Variants in CSMD3 observed in about 807,000 individuals in gnomAD.
The protein encoded by CSMD3 is CUB and sushi domain-containing protein 3.
A neutral mutation model predicts 435.2 loss-of-function variants in CSMD3; 177 were observed. That is an observed-to-expected ratio of 0.41 (90% CI 0.36 to 0.46). The LOEUF (loss-of-function observed/expected upper bound fraction) is 0.46. CSMD3 is among the 20% of genes least tolerant of loss of function. The pLI is 0.34. For synonymous variants in CSMD3, 1,656 were observed against 1,520.5 expected (o/e 1.09, Z -2.07); for missense variants, 4,265 against 4,504.6 (o/e 0.95, Z 1.52).
At chr8:112,497,754 C>A (rs1024805929) in intron 30 of CSMD3, among the ~76,000 whole-genome samples, 1 of 151,856 alleles carries the variant, frequency 6.6e-6, no homozygotes, top group Non-Finnish European at 1.5e-5. Flanking sequence ...TCATTACAAG[C>A]ATTGTTAGCC....
At chr8:112,937,322 T>G (rs530333703) in intron 9 of CSMD3, among the ~76,000 whole-genome samples, 1 of 151,758 alleles carries the variant, frequency 6.6e-6, no homozygotes, top group African/African-American at 2.4e-5. Flanking sequence ...ATGCTTTTAT[T>G]ACTCTTTGTT....
At chr8:112,583,415 G>A (rs1449714093) in intron 23 of CSMD3, among the ~76,000 whole-genome samples, 1 of 151,878 alleles carries the variant, frequency 6.6e-6, no homozygotes, top group African/African-American at 2.4e-5. Flanking sequence ...GTGCTGTTCT[G>A]TCAATGTACT....
intron 3 of CSMD3, among the ~76,000 whole-genome samples, chr8:113,213,095 T>C (rs531809026): frequency 1.3e-5 from 2 of 152,102 alleles, no homozygotes; most frequent in African/African-American, 4.8e-5. Context: ...ATATATAAAA[T>C]GCTTTTCATA....
intron 16 of CSMD3, among the ~76,000 whole-genome samples, chr8:112,670,616 G>A (rs915707420): frequency 2.0e-5 from 3 of 152,134 alleles, no homozygotes; most frequent in Admixed American, 2.0e-4. Flanking sequence ...ATTTATTGAC[G>A]TGCAAAGAGT....
intron 4 of CSMD3, among the ~76,000 whole-genome samples, chr8:113,141,638 C>T (rs2091551369): frequency 6.6e-6 from 1 of 150,758 alleles, no homozygotes; most frequent in South Asian, 2.1e-4. Context: ...ATTCAACATT[C>T]ATGATTTAAA....
At chr8:112,800,326 G>A (rs1410105632) in intron 12 of CSMD3, 52 bp from the exon 13 acceptor site, 1 of 1,120,548 alleles carries the variant, frequency 8.9e-7, no homozygotes, top group Non-Finnish European at 1.4e-6. Context: ...AACATCCTCT[G>A]CATACAAATT....
intron 38 of CSMD3, among the ~76,000 whole-genome samples, chr8:112,367,426 G>C (rs1487172486): frequency 1.3e-5 from 2 of 152,108 alleles, no homozygotes; most frequent in Non-Finnish European, 2.9e-5. Flanking sequence ...TGAAAGGCCA[G>C]CTCTCCAATT....
intron 17 of CSMD3, among the ~76,000 whole-genome samples, chr8:112,663,283 A>G (rs1162966551): frequency 2.0e-5 from 3 of 152,148 alleles, no homozygotes; most frequent in African/African-American, 7.2e-5. Flanking sequence ...TAGCACATAT[A>G]CACCATGGAA....
intron 18 of CSMD3, among the ~76,000 whole-genome samples, chr8:112,650,798 C>T (rs908995703): frequency 9.4e-5 from 8 of 85,268 alleles, no homozygotes; most frequent in African/African-American, 3.7e-4. Flanking sequence ...TAAGTATAAC[C>T]AATTAGCACA....
chr8:112,410,495 AATATAT>A (rs4029455), intron 32 of CSMD3, among the ~76,000 whole-genome samples: 82 of 122,734 alleles, frequency 6.7e-4, no homozygotes, highest in African/African-American at 2.2e-3. Context: ...AAATACTCCA[AATATAT>A]ATATATATAT....
intron 9 of CSMD3, among the ~76,000 whole-genome samples, chr8:112,937,260 T>C (rs531323290): frequency 2.0e-5 from 3 of 152,266 alleles, no homozygotes; most frequent in East Asian, 3.9e-4. Context: ...CTAGTTTTTA[T>C]ATGGTAATAA....
chr8:113,190,179 G>A (rs948753364), intron 3 of CSMD3, among the ~76,000 whole-genome samples: 2 of 151,556 alleles, frequency 1.3e-5, no homozygotes, highest in Non-Finnish European at 1.5e-5. Flanking sequence ...AACACCTACT[G>A]AACGCTAAAA....
intron 13 of CSMD3, among the ~76,000 whole-genome samples, chr8:112,710,622 G>A (rs796436546): frequency 2.6e-5 from 4 of 151,660 alleles, no homozygotes; most frequent in African/African-American, 9.7e-5. Flanking sequence ...ATTGGGTGTG[G>A]GAGAAAGACA....
chr8:113,065,572 T>G (rs1206550309), intron 5 of CSMD3, among the ~76,000 whole-genome samples: 1 of 152,074 alleles, frequency 6.6e-6, no homozygotes, highest in African/African-American at 2.4e-5. Context: ...GTATTTTTAG[T>G]AGAGACAGGG....
At chr8:112,943,452 A>G (rs1038815868) in intron 9 of CSMD3, among the ~76,000 whole-genome samples, 4 of 151,664 alleles carry the variant, frequency 2.6e-5, no homozygotes, top group Admixed American at 6.6e-5. Flanking sequence ...TTTCAGGGGC[A>G]GAGACTGGTA....
At chr8:112,822,698 C>T (rs1194092430) in intron 12 of CSMD3, among the ~76,000 whole-genome samples, 8 of 152,122 alleles carry the variant, frequency 5.3e-5, no homozygotes, top group Admixed American at 2.0e-4. Context: ...TGAGAGAGGG[C>T]ATCCTTGTCT....
chr8:112,940,470 C>A (rs1047835651), intron 9 of CSMD3, among the ~76,000 whole-genome samples: 3 of 151,734 alleles, frequency 2.0e-5, no homozygotes, highest in Middle Eastern at 3.2e-3. Flanking sequence ...ATATAAGGAT[C>A]CCACAAGCTG....
chr8:112,396,157 A>G (rs1830843090), intron 35 of CSMD3, among the ~76,000 whole-genome samples: 1 of 152,140 alleles, frequency 6.6e-6, no homozygotes, highest in African/African-American at 2.4e-5. Flanking sequence ...AGAAAAAAAA[A>G]CAGTGTTGAC....
intron 1 of CSMD3, among the ~76,000 whole-genome samples, chr8:113,432,142 G>T (rs541732813): frequency 2.6e-5 from 4 of 152,018 alleles, no homozygotes; most frequent in African/African-American, 2.4e-5. Flanking sequence ...TGCAGCACCC[G>T]CCTCCTCCCC....
Sources: allele counts gnomAD v4.1 joint callset (sites outside exome capture counted in the v4.1 genomes callset), GRCh38; gene constraint gnomAD v4.1.1; transcripts MANE v1.5; gene names NCBI Gene and HGNC (gene_info 2026-07-23, HGNC 2026-07-21).